The following TIMELESS variants were observed in gnomAD, a reference collection of about 807,000 sequenced individuals.
The protein encoded by TIMELESS is protein timeless homolog.
TIMELESS carries 124 observed loss-of-function variants against 164.3 expected under a neutral mutation model. The ratio of observed to expected loss-of-function variants is 0.75; its 90% CI spans 0.65 to 0.88. The LOEUF (loss-of-function observed/expected upper bound fraction) is 0.88. Ranked by LOEUF, TIMELESS falls within the 40% of genes least tolerant of loss-of-function variation. The probability of loss-of-function intolerance (pLI) is 0.00; values close to 1 mark genes in which losing one functional copy is unlikely to be tolerated. For missense variants in TIMELESS, 1,422 were observed against 1,491.4 expected (o/e 0.95, Z 0.77); for synonymous variants, 564 against 563.4 (o/e 1.00, Z -0.02).
rs138087467 is a variant in TIMELESS, at chr12:56,423,410, G to A, written c.2156C>T (p.Ala719Val). The change falls in exon 18 of 29, where the codon GCC becomes GTC. Residue 719 changes from alanine to valine, a missense_variant. Transcript: ENST00000553532. ...CTTCACAATGCAATGGTTAGTGTGG[G>A]CACTATTCTGCTGGTAGCTCCTTAG... The part of the protein sequence containing the change: ...LLLRSYQQNS[A>V]HTNHCIVKML... 2.5e-6 allele frequency: 4 copies of A among 1,614,134 alleles called. No homozygotes were observed. In the East Asian group the frequency reaches 8.9e-5, roughly 36 times the overall value.
At chr12:56,418,850 A>C (rs1421237050) in intron 26 of TIMELESS, among the ~76,000 whole-genome samples, 1 of 151,688 alleles carries the variant, frequency 6.6e-6, no homozygotes, top group Admixed American at 6.6e-5. Context: ...TACAGGCATG[A>C]GCCACTACAC....
At chr12:56,433,948 T>G in intron 2 of TIMELESS, 22 bp from the exon 3 acceptor site, 1 of 1,613,406 alleles carries the variant, frequency 6.2e-7, no homozygotes, top group Non-Finnish European at 8.5e-7. Flanking sequence ...GAACAAAACA[T>G]GCATGTGGAA....
chr12:56,424,776 G>C lies in TIMELESS; in HGVS notation c.1854C>G (p.Leu618=), dbSNP rs1881617993. 6.2e-7 allele frequency: 1 copy of C among 1,614,114 alleles called. No individual in the cohort carries two copies. ...LAGQAPQALT[L]LRSAREVWPE... is the part of the protein sequence containing the mutation. Reference sequence around the variant, plus strand: ...AGGGTTCTTACCGAGCAGACCTCAGGAGAGTCAGGGCCTGTGGGGCCTGGC... The same window carrying C: ...AGGGTTCTTACCGAGCAGACCTCAGCAGAGTCAGGGCCTGTGGGGCCTGGC... The change falls in exon 15 of 29, where the codon CTC becomes CTG. Residue 618 remains leucine, a synonymous_variant. Transcript: ENST00000553532.
intron 1 of TIMELESS, among the ~76,000 whole-genome samples, chr12:56,434,900 T>C (rs780028231): frequency 3.9e-5 from 6 of 152,120 alleles, no homozygotes; most frequent in Non-Finnish European, 7.4e-5. Context: ...AAGCCAACCG[T>C]TGTGGCACAC....
chr12:56,420,514 G>C, intron 26 of TIMELESS, 55 bp downstream of exon 26: 1 of 1,392,942 alleles, frequency 7.2e-7, no homozygotes, highest in Non-Finnish European at 1.0e-6. Flanking sequence ...AGGAGGAGAT[G>C]TATTTGGAAA....
At chr12:56,421,233 T>C (rs1024405464) in intron 23 of TIMELESS, 99 bp from the exon 24 acceptor site, 9 of 1,585,444 alleles carry the variant, frequency 5.7e-6, no homozygotes, top group Non-Finnish European at 7.7e-6. Flanking sequence ...CCGCGCCTGC[T>C]CTCTCGGAAG....
intron 19 of TIMELESS, among the ~76,000 whole-genome samples, chr12:56,422,557 G>A (rs764092505): frequency 2.0e-5 from 3 of 152,136 alleles, no homozygotes; most frequent in African/African-American, 4.8e-5. Flanking sequence ...GGGAGAGGTC[G>A]CACACAGACT....
chr12:56,444,509 T>C (rs948977976), intron 1 of TIMELESS, among the ~76,000 whole-genome samples: 1 of 152,192 alleles, frequency 6.6e-6, no homozygotes, highest in African/African-American at 2.4e-5. Context: ...CTTCCCTTTA[T>C]ACTAGCCCCA....
chr12:56,437,842 G>A (rs1241925539), intron 1 of TIMELESS, among the ~76,000 whole-genome samples: 2 of 152,086 alleles, frequency 1.3e-5, no homozygotes, highest in African/African-American at 2.4e-5. Context: ...TATCATGCAT[G>A]TACTTAAAAT....
intron 10 of TIMELESS, among the ~76,000 whole-genome samples, chr12:56,429,635 G>A (rs942877807): frequency 6.7e-6 from 1 of 149,104 alleles, no homozygotes; most frequent in Non-Finnish European, 1.5e-5. Context: ...CTGAGTAACT[G>A]GGACTACAAA....
intron 1 of TIMELESS, among the ~76,000 whole-genome samples, chr12:56,435,816 A>G (rs35634983): frequency 0.55 from 83,672 of 151,792 alleles, 23,840 homozygotes; most frequent in African/African-American, 0.64. Flanking sequence ...AAAATTAGCC[A>G]GGCGCGATGG....
chr12:56,428,390 A>C lies in TIMELESS; in HGVS notation c.1424T>G (p.Val475Gly). 1 of 1,610,044 alleles carries C rather than the reference A, an allele frequency of 6.2e-7. No individual in the cohort carries two copies. The highest frequency in any genetic ancestry group is 8.5e-7 in the Non-Finnish European group (1 of 1,176,908). Residue 475 changes from valine (V) to glycine (G), a missense_variant, in exon 13 of 29, where the codon GTG becomes GGG. Coordinates refer to ENST00000553532, the MANE Select transcript of TIMELESS (RefSeq NM_003920.5). The part of the protein sequence containing the change: ...SRIIKNNIFY[V>G]MEYRELFLAL... Reference sequence around the variant, plus strand: ...CAGGAATAGTTCTCGGTACTCCATCACATAGAAAATATTGTCTAGGAATGG... The same window carrying C: ...CAGGAATAGTTCTCGGTACTCCATCCCATAGAAAATATTGTCTAGGAATGG...
rs763879150 is a variant in TIMELESS at position 56,432,406 on chromosome 12, T to C, written c.650A>G (p.His217Arg). 1.1e-5 allele frequency: 18 copies of C among 1,614,150 alleles called. No individual in the cohort carries two copies. Among genetic ancestry groups the C allele is most frequent in the Non-Finnish European group, 1.3e-5 (15 of 1,180,022 alleles). ...SSSAEEQWSL[H>R]VLEIVSLMFR... ...CATAAGGGAGACAATCTCTAGCACA[T>C]GTAGGCTCCATTGCTCCTCAGCAGA... is the stretch of plus-strand genomic sequence containing the variant. Residue 217 changes from histidine (H) to arginine (R), a missense_variant, in exon 7 of 29, where the codon CAT becomes CGT. His to Arg is a conservative substitution (Grantham distance 29). Transcript: ENST00000553532.
In TIMELESS at chr12:56,420,900, CT is replaced by C; in HGVS notation, c.3041-20del. On this transcript the variant is annotated intron_variant, in intron 24 of 28. Coordinates refer to ENST00000553532, the MANE Select transcript of TIMELESS (RefSeq NM_003920.5). ...GAAAAGCCTAAGGAAATGAGGGAAA[CT>C]TACATTTGACCCTACTCCCAAGCCC... The C allele has an allele frequency of 6.2e-7, 1 of 1,614,134 alleles. No homozygotes were observed. Among genetic ancestry groups the C allele is most frequent in the Non-Finnish European group, 8.5e-7 (1 of 1,180,000 alleles).
chr12:56,437,429 T>A (rs1882108489), intron 1 of TIMELESS, among the ~76,000 whole-genome samples: 1 of 152,086 alleles, frequency 6.6e-6, no homozygotes, highest in South Asian at 2.1e-4. Flanking sequence ...AGCTTTTTTT[T>A]TTTTGAGACA....
At chr12:56,444,763 T>C (rs944791353) in intron 1 of TIMELESS, among the ~76,000 whole-genome samples, 4 of 151,996 alleles carry the variant, frequency 2.6e-5, no homozygotes, top group African/African-American at 7.3e-5. Flanking sequence ...CTTTCCCCTT[T>C]GATCTCTTAT....
At chr12:56,420,478 G>T in intron 26 of TIMELESS, 91 bp downstream of exon 26, 1 of 936,640 alleles carries the variant, frequency 1.1e-6, no homozygotes, top group Non-Finnish European at 1.7e-6. Context: ...ATAAGGATAA[G>T]GAGGACCACC....
intron 1 of TIMELESS, among the ~76,000 whole-genome samples, chr12:56,440,285 C>T (rs1472723607): frequency 3.3e-5 from 5 of 151,852 alleles, no homozygotes; most frequent in South Asian, 2.1e-4. Flanking sequence ...ACTACAGGCA[C>T]GCGCCACCAT....
At chr12:56,449,105 C>T (rs1268723775) in intron 1 of TIMELESS, among the ~76,000 whole-genome samples, 1 of 152,270 alleles carries the variant, frequency 6.6e-6, no homozygotes. Context: ...GGGCTAAGCC[C>T]GCGTCCGGTG....
Sources: gnomAD v4.1 joint callset for allele counts (sites outside exome capture counted in the v4.1 genomes callset) on GRCh38, gnomAD v4.1.1 for gene constraint, MANE v1.5 for transcripts, NCBI Gene and HGNC (gene_info 2026-07-23, HGNC 2026-07-21) for gene names.